TPD52L1: variants seen among roughly 807,000 people sequenced by gnomAD.
TPD52L1 encodes the protein tumor protein D53.
A neutral mutation model predicts 28.7 loss-of-function variants in TPD52L1; 18 were observed. That is an observed-to-expected ratio of 0.63 (90% CI 0.43 to 0.93). TPD52L1 has a LOEUF of 0.93. Among genes scored for constraint, TPD52L1 ranks in the 40% least tolerant of loss-of-function variants. The probability of loss-of-function intolerance (pLI) is 0.00; values close to 1 mark genes in which losing one functional copy is unlikely to be tolerated. For synonymous variants in TPD52L1, 75 were observed against 88.8 expected (o/e 0.84, Z 0.88); for missense variants, 203 against 254.8 (o/e 0.80, Z 1.39).
chr6:125,175,711 A>C (rs994074999), intron 1 of TPD52L1, among the ~76,000 whole-genome samples: 2 of 152,158 alleles, frequency 1.3e-5, no homozygotes, highest in African/African-American at 4.8e-5. Context: ...AAATGCTATA[A>C]ACCAACTCCT....
At chr6:125,243,411 A>G (rs564734836) in intron 3 of TPD52L1, among the ~76,000 whole-genome samples, 196 of 152,108 alleles carry the variant, frequency 1.3e-3, no homozygotes, top group African/African-American at 4.6e-3. Flanking sequence ...TCCAAACTAA[A>G]ATTTTTCTTC....
chr6:125,230,965 G>T (rs1795915739), intron 3 of TPD52L1, among the ~76,000 whole-genome samples: 1 of 152,200 alleles, frequency 6.6e-6, no homozygotes, highest in South Asian at 2.1e-4. Flanking sequence ...AACACCATAT[G>T]AACAATCTCC....
At chr6:125,227,484 G>A (rs571022208) in intron 2 of TPD52L1, among the ~76,000 whole-genome samples, 9 of 152,222 alleles carry the variant, frequency 5.9e-5, no homozygotes, top group East Asian at 1.9e-4. Context: ...CTTGTGGTCC[G>A]AAGTAGAGTG....
At chr6:125,189,738 T>C (rs1035607143) in intron 1 of TPD52L1, among the ~76,000 whole-genome samples, 2 of 152,218 alleles carry the variant, frequency 1.3e-5, no homozygotes, top group Non-Finnish European at 2.9e-5. Flanking sequence ...TTCTCATTGT[T>C]ATTTCCTTTT....
chr6:125,177,750 T>C (rs2114808252), intron 1 of TPD52L1, among the ~76,000 whole-genome samples: 1 of 152,340 alleles, frequency 6.6e-6, no homozygotes, highest in African/African-American at 2.4e-5. Flanking sequence ...AAGTGAAGCT[T>C]GCAAGTGTTA....
chr6:125,252,080 G>A, intron 4 of TPD52L1: 2 of 1,535,514 alleles, frequency 1.3e-6, no homozygotes, highest in Non-Finnish European at 1.7e-6. Context: ...CCACTCCCTT[G>A]CTGCCCCTTT....
intron 1 of TPD52L1, among the ~76,000 whole-genome samples, chr6:125,175,638 CAA>C (rs1791776337): frequency 6.6e-6 from 1 of 152,058 alleles, no homozygotes. Context: ...GGAGAGAGGA[CAA>C]TATGCCTGGA....
intron 1 of TPD52L1, among the ~76,000 whole-genome samples, chr6:125,211,265 A>G (rs886199106): frequency 2.9e-4 from 25 of 87,708 alleles, no homozygotes; most frequent in African/African-American, 1.8e-3. Flanking sequence ...GGATCTGTCT[A>G]TCTATCTATC....
intron 1 of TPD52L1, among the ~76,000 whole-genome samples, chr6:125,176,749 C>T (rs1358090899): frequency 6.6e-6 from 1 of 152,236 alleles, no homozygotes; most frequent in South Asian, 2.1e-4. Context: ...TAAACTATCT[C>T]TGGCAGCCTG....
At chr6:125,204,921 G>C (rs1419597524) in intron 1 of TPD52L1, among the ~76,000 whole-genome samples, 1 of 152,188 alleles carries the variant, frequency 6.6e-6, no homozygotes, top group African/African-American at 2.4e-5. Context: ...ACAATCTAGA[G>C]GAAGAAAAAG....
At chr6:125,238,617 A>G (rs2115011072) in intron 3 of TPD52L1, among the ~76,000 whole-genome samples, 1 of 152,216 alleles carries the variant, frequency 6.6e-6, no homozygotes, top group South Asian at 2.1e-4. Context: ...TTGGTTTTCC[A>G]TTCCTGAGTT....
At chr6:125,216,757 G>C (rs978094861) in intron 1 of TPD52L1, among the ~76,000 whole-genome samples, 1 of 151,860 alleles carries the variant, frequency 6.6e-6, no homozygotes, top group African/African-American at 2.4e-5. Flanking sequence ...TTCTGGCATA[G>C]AGAGAAGGGA....
At chr6:125,171,089 T>C (rs1174295222) in intron 1 of TPD52L1, among the ~76,000 whole-genome samples, 14 of 152,208 alleles carry the variant, frequency 9.2e-5, no homozygotes. Context: ...TCAGGTGTGA[T>C]TCCTCGACCA....
intron 1 of TPD52L1, among the ~76,000 whole-genome samples, chr6:125,192,536 C>A (rs1253418832): frequency 6.6e-6 from 1 of 151,902 alleles, no homozygotes; most frequent in Non-Finnish European, 1.5e-5. Context: ...TTTATCTGCC[C>A]GCAAGTCCTG....
At chr6:125,232,812 C>A (rs928243117) in intron 3 of TPD52L1, among the ~76,000 whole-genome samples, 8 of 152,092 alleles carry the variant, frequency 5.3e-5, no homozygotes, top group Non-Finnish European at 1.0e-4. Flanking sequence ...AAGGGATCAT[C>A]GGTATCCAGG....
chr6:125,191,654 T>C (rs1467323298), intron 1 of TPD52L1, among the ~76,000 whole-genome samples: 1 of 152,128 alleles, frequency 6.6e-6, no homozygotes, highest in Non-Finnish European at 1.5e-5. Flanking sequence ...ACATTCTGAG[T>C]GTAAGACCAA....
chr6:125,229,603 T>C (rs1795819762), intron 3 of TPD52L1, among the ~76,000 whole-genome samples: 1 of 152,226 alleles, frequency 6.6e-6, no homozygotes, highest in East Asian at 1.9e-4. Flanking sequence ...TCATAAAAAC[T>C]ATAAATGGGA....
At chr6:125,228,319 T>C (rs148606743) in intron 2 of TPD52L1, among the ~76,000 whole-genome samples, 1 of 152,332 alleles carries the variant, frequency 6.6e-6, no homozygotes, top group East Asian at 1.9e-4. Context: ...TAGATACATA[T>C]GTTAAAACTT....
intron 2 of TPD52L1, among the ~76,000 whole-genome samples, chr6:125,222,535 A>G (rs1795306779): frequency 6.6e-6 from 1 of 152,230 alleles, no homozygotes; most frequent in Non-Finnish European, 1.5e-5. Flanking sequence ...TGAGTGTGCC[A>G]GGTGTCCAGC....
Sources: allele counts gnomAD v4.1 joint callset (sites outside exome capture counted in the v4.1 genomes callset), GRCh38; gene constraint gnomAD v4.1.1; transcripts MANE v1.5; gene names NCBI Gene and HGNC (gene_info 2026-07-23, HGNC 2026-07-21).